Variants in NFATC2IP observed in about 807,000 individuals in gnomAD.
The protein encoded by NFATC2IP is nuclear factor of activated T cells 2 interacting protein.
NFATC2IP carries 25 observed loss-of-function variants against 40.2 expected under a neutral mutation model. That is an observed-to-expected ratio of 0.62 (90% CI 0.45 to 0.87). The LOEUF (loss-of-function observed/expected upper bound fraction) is 0.87, where lower values mean the gene tolerates loss of function less well. NFATC2IP is among the 40% of genes least tolerant of loss of function. The pLI is 0.00. For synonymous variants in NFATC2IP, 241 were observed against 236.3 expected, an observed-to-expected ratio of 1.02 and a Z score of -0.18; for missense variants, 553 against 555.6, an observed-to-expected ratio of 1.00 and a Z score of 0.05.
intron 7 of NFATC2IP, among the ~76,000 whole-genome samples, 179 bp downstream of exon 7, chr16:28,959,279 C>T (rs775847329): frequency 4.6e-5 from 7 of 152,178 alleles, no homozygotes; most frequent in Non-Finnish European, 1.0e-4. Flanking sequence ...CAACTTCCCT[C>T]CCCGCTTCTA....
Position 28,964,151 on chromosome 16 carries a change from C to T in NFATC2IP, c.*288C>T, listed in dbSNP as rs1965118895. On this transcript the variant is annotated 3_prime_UTR_variant, in exon 8 of 8. Coordinates refer to ENST00000320805, the MANE Select transcript of NFATC2IP (RefSeq NM_032815.4). ...ATGTCCCTTCACCCCTCCCCTTTCA[C>T]CACCATCCTCTTTTCCTCATGGAAA... is the stretch of plus-strand genomic sequence containing the variant. The T allele has an allele frequency of 5.3e-6, 2 of 376,162 alleles. No homozygotes were observed. The highest frequency in any genetic ancestry group is 9.9e-6 in the Non-Finnish European group (2 of 202,694). 23.3% of individuals were successfully genotyped at this position (376,162 alleles called of 1,614,324 possible).
chr16:28,951,921 A>T (rs561179770), intron 1 of NFATC2IP, among the ~76,000 whole-genome samples: 1 of 152,178 alleles, frequency 6.6e-6, no homozygotes, highest in African/African-American at 2.4e-5. Context: ...TACATTTCAG[A>T]GTGTCTTAGG....
chr16:28,954,367 A>G (rs1248388653), intron 2 of NFATC2IP, among the ~76,000 whole-genome samples, 198 bp from the exon 3 acceptor site: 1 of 152,194 alleles, frequency 6.6e-6, no homozygotes, highest in African/African-American at 2.4e-5. Context: ...TTAAGTTAAT[A>G]TGAGCTATCT....
chr16:28,954,324 C>T (rs1251201513), intron 2 of NFATC2IP, among the ~76,000 whole-genome samples: 1 of 151,968 alleles, frequency 6.6e-6, no homozygotes, highest in Non-Finnish European at 1.5e-5. Context: ...AAAATAATAC[C>T]TGGTTTCCTT....
chr16:28,954,984 A>T lies in NFATC2IP; in HGVS notation c.578+302A>T, dbSNP rs576669708. ...GTGCTTCTCTTTCTTCATCTATAAA[A>T]CCCCGTTTTATAGCCTGGGAAACAT... On this transcript the variant is annotated intron_variant, in intron 3 of 7. Coordinates refer to ENST00000320805, the MANE Select transcript of NFATC2IP (RefSeq NM_032815.4). 2.0e-5 allele frequency among the ~76,000 whole-genome samples: 3 copies of T among 151,118 alleles called. No homozygotes were observed. The East Asian group carries it at 5.8e-4, about 29-fold the overall frequency.
chr16:28,953,528 C>T (rs1274282921), intron 2 of NFATC2IP, among the ~76,000 whole-genome samples: 11 of 152,116 alleles, frequency 7.2e-5, no homozygotes, highest in African/African-American at 2.7e-4. Flanking sequence ...AGGACAGTAC[C>T]TAGGACACAG....
In NFATC2IP at chr16:28,954,680, T is replaced by C. The variant is rs997411101; in HGVS notation, c.576T>C (p.Phe192=). ...AAGAAGAGAAGAAAAAGACAGAGTT[T>C]CTGTGAGTGAGGCCAGGGCCCTTGG... ...KDKEEKKKTE[F]LDLDNSPLSP... The change falls in exon 3 of 8, where the codon TTT becomes TTC. Residue 192 remains phenylalanine, a splice_region_variant and synonymous_variant. Coordinates refer to ENST00000320805, the MANE Select transcript of NFATC2IP (RefSeq NM_032815.4). 2 of 1,604,722 alleles carry C rather than the reference T, an allele frequency of 1.2e-6. No individual in the cohort carries two copies. Among genetic ancestry groups the C allele is most frequent in the African/African-American group, 2.7e-5 (2 of 74,686 alleles).
At chr16:28,955,483 C>G (rs925565537) in intron 3 of NFATC2IP, among the ~76,000 whole-genome samples, 1 of 152,124 alleles carries the variant, frequency 6.6e-6, no homozygotes, top group Non-Finnish European at 1.5e-5. Context: ...CATTTTCTTC[C>G]CTAATATTCA....
chr16:28,957,363 C>G (rs1183471129), intron 5 of NFATC2IP, among the ~76,000 whole-genome samples: 2 of 150,774 alleles, frequency 1.3e-5, no homozygotes, highest in African/African-American at 2.4e-5. Flanking sequence ...GAGATGGGGG[C>G]CAGGCATGGT....
intron 2 of NFATC2IP, among the ~76,000 whole-genome samples, chr16:28,953,945 A>G (rs1371836220): frequency 1.3e-5 from 2 of 151,912 alleles, no homozygotes; most frequent in Admixed American, 1.3e-4. Flanking sequence ...AACGAAATGC[A>G]GAATCATAGG....
chr16:28,958,924 A>C, intron 6 of NFATC2IP, 63 bp downstream of exon 6: 1 of 1,607,118 alleles, frequency 6.2e-7, no homozygotes, highest in Non-Finnish European at 8.5e-7. Flanking sequence ...ATATGGGGAG[A>C]GGTTCAGCAC....
At chr16:28,960,971 C>A (rs1316712928) in intron 7 of NFATC2IP, among the ~76,000 whole-genome samples, 2 of 152,110 alleles carry the variant, frequency 1.3e-5, no homozygotes, top group Non-Finnish European at 2.9e-5. Context: ...CCTTTAATGT[C>A]CATATTTCTA....
intron 2 of NFATC2IP, 149 bp from the exon 3 acceptor site, chr16:28,954,416 C>G (rs1007470120): frequency 5.5e-6 from 3 of 547,190 alleles, no homozygotes; most frequent in Non-Finnish European, 9.9e-6. Context: ...CCCCCTTTCC[C>G]AATATTATCA....
At chr16:28,959,135 C>A in intron 7 of NFATC2IP, 35 bp downstream of exon 7, 2 of 1,303,262 alleles carry the variant, frequency 1.5e-6, no homozygotes, top group Non-Finnish European at 2.2e-6. Context: ...CGCCCCTCAC[C>A]CTGTCCTCTG....
intron 2 of NFATC2IP, 27 bp from the exon 3 acceptor site, chr16:28,954,538 T>A (rs766417785): frequency 1.7e-4 from 258 of 1,528,288 alleles, no homozygotes; most frequent in Admixed American, 3.9e-4. Context: ...GATAACCCCC[T>A]TCTACCTTCT....
chr16:28,955,898 T>A, intron 3 of NFATC2IP, 80 bp from the exon 4 acceptor site: 5 of 1,142,862 alleles, frequency 4.4e-6, no homozygotes, highest in Non-Finnish European at 5.3e-6. Flanking sequence ...TATGCTTGAT[T>A]GTCCAAGGAT....
rs1248203299 is a variant in NFATC2IP at position 28,964,176 on chromosome 16, A to G, written c.*313A>G. On this transcript the variant is annotated 3_prime_UTR_variant, in exon 8 of 8. Transcript: ENST00000320805. ...CCACCATCCTCTTTTCCTCATGGAA[A>G]TGTCTGCTTTATGAAACTATGCACA... 9.4e-6 allele frequency: 3 copies of G among 320,560 alleles called. No homozygotes were observed. Among genetic ancestry groups the G allele is most frequent in the African/African-American group, 6.2e-5 (3 of 48,070 alleles). The allele number at this position is 320,560 out of a possible 1,614,324, so 19.9% of individuals were successfully genotyped here.
chr16:28,951,084 TG>T lies in NFATC2IP; in HGVS notation c.77del (p.Gly26AlafsTer20). 6.5e-7 allele frequency: 1 copy of T among 1,540,732 alleles called. No homozygotes were observed. Among genetic ancestry groups the T allele is most frequent in the Non-Finnish European group, 8.8e-7 (1 of 1,142,528 alleles). ...SGAGRGGRGG[W>X]GGRGRRPRAQ... ...TGCCGGCCGAGGGGGTCGGGGCGGCTGGGGCGGTCGGGGCCGGCGTCCTCGG... is the reference window on the plus strand; with the variant it reads ...TGCCGGCCGAGGGGGTCGGGGCGGCTGGGCGGTCGGGGCCGGCGTCCTCGG... On this transcript the variant is annotated frameshift_variant, in exon 1 of 8. Coordinates refer to ENST00000320805, the MANE Select transcript of NFATC2IP (RefSeq NM_032815.4).
chr16:28,960,410 C>T (rs971611122), intron 7 of NFATC2IP, among the ~76,000 whole-genome samples: 1 of 152,072 alleles, frequency 6.6e-6, no homozygotes, highest in Non-Finnish European at 1.5e-5. Context: ...TTAACCCATC[C>T]CAGCATCAAC....
Sources: allele counts gnomAD v4.1 joint callset (sites outside exome capture counted in the v4.1 genomes callset), GRCh38; gene constraint gnomAD v4.1.1; transcripts MANE v1.5; gene names NCBI Gene and HGNC (gene_info 2026-07-23, HGNC 2026-07-21).